Variants in BPIFB4 observed in about 807,000 individuals in gnomAD.
BPIFB4 encodes BPI fold containing family B member 4, also known as BPI fold-containing family B member 4.
Under a neutral mutation model 69.2 loss-of-function variants are expected in BPIFB4, and 62 were observed. The ratio of observed to expected loss-of-function variants is 0.90; its 90% CI spans 0.73 to 1.11. The LOEUF (loss-of-function observed/expected upper bound fraction) is 1.11. Among genes scored for constraint, BPIFB4 ranks in the 50% least tolerant of loss-of-function variants. The pLI is 0.00. For missense variants in BPIFB4, 789 were observed against 792.0 expected, an observed-to-expected ratio of 1.00 and a Z score of 0.04; for synonymous variants, 330 against 332.7, an observed-to-expected ratio of 0.99 and a Z score of 0.09.
chr20:33,111,455 G>A lies in BPIFB4; in HGVS notation c.*18G>A. 1 of 1,614,022 alleles carries A rather than the reference G, an allele frequency of 6.2e-7. No individual in the cohort carries two copies. The highest frequency in any genetic ancestry group is 1.1e-5 in the South Asian group (1 of 91,064). On this transcript the variant is annotated 3_prime_UTR_variant, in exon 18 of 18. Transcript: ENST00000375483. Reference sequence around the variant, plus strand: ...GCGCATGAGTGACAGAGGCAGAGATGCTGCTGCAACTGGAAGAAGCTGGAA... The same window carrying A: ...GCGCATGAGTGACAGAGGCAGAGATACTGCTGCAACTGGAAGAAGCTGGAA...
rs1456083981 is a variant in BPIFB4, at chr20:33,083,715, G to C, written c.518G>C (p.Gly173Ala). 2.5e-5 allele frequency: 40 copies of C among 1,613,902 alleles called. No homozygotes were observed. The highest frequency in any genetic ancestry group is 3.1e-5 in the Non-Finnish European group (37 of 1,179,980). ...TGAVGPGGLL[G>A]TGGMLAADGI... ...GCGGTGGGCCCAGGTGGTTTGCTGG[G>C]CACTGGAGGCATGCTGGCAGCTGAT... The change falls in exon 5 of 18, where the codon GGC becomes GCC. Residue 173 changes from glycine to alanine, a missense_variant. Gly to Ala is a moderately conservative substitution (Grantham distance 60, BLOSUM62 0). This residue lies in a region of BPIFB4 where 611 missense variants were observed against 575.4 expected (regional missense o/e 1.06). Transcript: ENST00000375483.
intron 16 of BPIFB4, among the ~76,000 whole-genome samples, chr20:33,107,257 G>GAGAA (rs1568589363): frequency 2.1e-5 from 3 of 142,920 alleles, no homozygotes; most frequent in African/African-American, 5.2e-5. Context: ...GAAAAGAAAA[G>GAGAA]AAGAGAAAAG....
At chr20:33,094,829 G>A (rs1404157152) in intron 11 of BPIFB4, among the ~76,000 whole-genome samples, 2 of 152,132 alleles carry the variant, frequency 1.3e-5, no homozygotes, top group African/African-American at 4.8e-5. Context: ...TTTTAGAGGA[G>A]AAATATTCAG....
Position 33,111,445 on chromosome 20 carries a change from A to T in BPIFB4, c.*8A>T. The T allele has an allele frequency of 6.2e-7, 1 of 1,614,062 alleles. No individual in the cohort carries two copies. On this transcript the variant is annotated 3_prime_UTR_variant, in exon 18 of 18. Coordinates refer to ENST00000375483, the MANE Select transcript of BPIFB4 (RefSeq NM_182519.3). ...TTGGTGCTGAGCGCATGAGTGACAG[A>T]GGCAGAGATGCTGCTGCAACTGGAA...
Position 33,083,835 on chromosome 20 carries a change from G to GC in BPIFB4, c.639dup (p.Glu214ArgfsTer80). The GC allele has an allele frequency of 6.2e-7, 1 of 1,613,326 alleles. No homozygotes were observed. Among genetic ancestry groups the GC allele is most frequent in the African/African-American group, 1.3e-5 (1 of 74,968 alleles). On this transcript the variant is annotated frameshift_variant, in exon 5 of 18. Transcript: ENST00000375483. LOFTEE classifies it high-confidence loss of function. ...GGAGGGGGTGTCCTGGGCGTGCTCG[G>GC]CGAGGGTGGCATCCTCAGCACTGTG... is the stretch of plus-strand genomic sequence containing the variant.
At chr20:33,082,627 C>T (rs562191572) in intron 3 of BPIFB4, among the ~76,000 whole-genome samples, 1 of 152,304 alleles carries the variant, frequency 6.6e-6, no homozygotes, top group Admixed American at 6.5e-5. Context: ...CCACCACGCC[C>T]GTCCTGAAGT....
chr20:33,087,608 T>C (rs1201379005), intron 7 of BPIFB4, among the ~76,000 whole-genome samples: 2 of 152,170 alleles, frequency 1.3e-5, no homozygotes, highest in African/African-American at 4.8e-5. Context: ...AATAACCTTT[T>C]ACATATGTCA....
At chr20:33,106,078 T>C (rs756445483) in intron 16 of BPIFB4, among the ~76,000 whole-genome samples, 1 of 152,142 alleles carries the variant, frequency 6.6e-6, no homozygotes, top group Non-Finnish European at 1.5e-5. Flanking sequence ...ACAATGTCCT[T>C]AGCTTTTTGA....
chr20:33,089,605 G>T (rs749557366), intron 9 of BPIFB4, 47 bp downstream of exon 9: 2 of 1,613,648 alleles, frequency 1.2e-6, no homozygotes, highest in Non-Finnish European at 8.5e-7. Context: ...ACTGAGGACC[G>T]GGCCCTTTCT....
At chr20:33,090,858 C>T in intron 10 of BPIFB4, 59 bp downstream of exon 10, 1 of 1,597,200 alleles carries the variant, frequency 6.3e-7, no homozygotes, top group Non-Finnish European at 8.6e-7. Context: ...GCAGGAGTAT[C>T]AGTGAGGCCC....
rs145595027 is a variant in BPIFB4 at position 33,083,507 on chromosome 20, C to G, written c.310C>G (p.Arg104Gly). The change falls in exon 5 of 18, where the codon CGA (arginine) becomes GGA (glycine). Residue 104 changes from arginine (R) to glycine (G), a missense_variant. By Grantham distance (125) the Arg-to-Gly change is moderately radical (BLOSUM62 -2). Coordinates refer to ENST00000375483, the MANE Select transcript of BPIFB4 (RefSeq NM_182519.3). ...DNTAQLGGKYRYGEILESEGS... is the reference protein window; with the variant it reads ...DNTAQLGGKYGYGEILESEGS... ...CACTGCTCAGCTGGGGGGCAAATAC[C>G]GATATGGTGAGATCCTTGAGTCCGA... The G allele has an allele frequency of 7.6e-5, 122 of 1,613,950 alleles. No individual in the cohort carries two copies. In the African/African-American group the frequency reaches 1.5e-3, roughly 20 times the overall value.
intron 15 of BPIFB4, 59 bp downstream of exon 15, chr20:33,103,073 C>T: frequency 1.3e-6 from 2 of 1,565,136 alleles, no homozygotes; most frequent in Non-Finnish European, 1.8e-6. Flanking sequence ...CAGGACGTGT[C>T]TTCCGGGAAT....
rs1249927395 is a variant in BPIFB4, at chr20:33,081,622, G to A, written c.96G>A (p.Val32=). 1 of 1,551,590 alleles carries A rather than the reference G, an allele frequency of 6.4e-7. No individual in the cohort carries two copies. The highest frequency in any genetic ancestry group is 8.7e-7 in the Non-Finnish European group (1 of 1,147,008). The change falls in exon 3 of 18, where the codon GTG becomes GTA. Residue 32 remains valine, a synonymous_variant. Transcript: ENST00000375483. The part of the protein sequence containing the change: ...TNTVLRVTKD[V]LSNAISGMLQ... ...CGGTCCTCAGGGTGACGAAAGATGT[G>A]TTGAGCAATGGTGAGTCCAGCCCCA... is the stretch of plus-strand genomic sequence containing the variant.
At chr20:33,108,436 T>TATATATATATACACACACAC (rs1271417747) in intron 17 of BPIFB4, among the ~76,000 whole-genome samples, 7 of 148,514 alleles carry the variant, frequency 4.7e-5, no homozygotes, top group African/African-American at 1.7e-4. Flanking sequence ...TATATATATA[T>TATATATATATACACACACAC]AGACATATAT....
At chr20:33,094,412 C>A (rs1240506197) in intron 11 of BPIFB4, among the ~76,000 whole-genome samples, 2 of 152,154 alleles carry the variant, frequency 1.3e-5, no homozygotes, top group African/African-American at 2.4e-5. Flanking sequence ...TGACAGAGGT[C>A]ATGAATTTAG....
intron 3 of BPIFB4, 135 bp downstream of exon 3, chr20:33,081,767 C>T: frequency 6.9e-7 from 1 of 1,441,152 alleles, no homozygotes; most frequent in Non-Finnish European, 9.1e-7. Flanking sequence ...CTCTCTGGGC[C>T]TTAGTTTCTC....
chr20:33,090,986 T>C (rs1332107794), intron 10 of BPIFB4, among the ~76,000 whole-genome samples, 187 bp downstream of exon 10: 1 of 152,222 alleles, frequency 6.6e-6, no homozygotes, highest in Non-Finnish European at 1.5e-5. Context: ...TCCAAATGCT[T>C]ACTGTGTGCC....
chr20:33,098,926 TG>T lies in BPIFB4; in HGVS notation c.1569+1140del, dbSNP rs1427812648. 2.0e-5 allele frequency among the ~76,000 whole-genome samples: 3 copies of T among 151,698 alleles called. No individual in the cohort carries two copies. In the East Asian group the frequency reaches 5.8e-4, roughly 29 times the overall value. On this transcript the variant is annotated intron_variant, in intron 13 of 17. Transcript: ENST00000375483. ...CTGACCTCAGGGCCTTTGCAGATGC[TG>T]TTCCCTCTGCCTGGGATGCTCTTCC...
At chr20:33,107,602 C>T in intron 16 of BPIFB4, 142 bp from the exon 17 acceptor site, 3 of 613,786 alleles carry the variant, frequency 4.9e-6, no homozygotes, top group Non-Finnish European at 8.8e-6. Context: ...TGCCACTGCA[C>T]TCCAGCCTGG....
Sources: gnomAD v4.1 joint callset for allele counts (sites outside exome capture counted in the v4.1 genomes callset) on GRCh38, gnomAD v4.1.1 for gene constraint, gnomAD v4.1.1 regional missense constraint, MANE v1.5 for transcripts, NCBI Gene and HGNC (gene_info 2026-07-23, HGNC 2026-07-21) for gene names.